ZNF175: variants seen among roughly 807,000 people sequenced by gnomAD.
ZNF175 encodes the protein zinc finger protein 175, also known as zinc finger protein OTK18.
ZNF175 carries 8 observed loss-of-function variants against 14.0 expected under a neutral mutation model. The observed-to-expected ratio is 0.57, with a 90% CI of 0.34 to 1.03. The LOEUF is 1.03. Among genes scored for constraint, ZNF175 ranks in the 50% least tolerant of loss-of-function variants. ZNF175 has a pLI of 0.03. For missense variants in ZNF175, 764 were observed against 849.5 expected (o/e 0.90, Z 1.25); for synonymous variants, 255 against 296.8 (o/e 0.86, Z 1.45).
intron 2 of ZNF175, among the ~76,000 whole-genome samples, chr19:51,580,020 A>T (rs1217010675): frequency 6.6e-6 from 1 of 152,044 alleles, no homozygotes; most frequent in African/African-American, 2.4e-5. Context: ...GTAATATTAA[A>T]ATATTACATA....
Position 51,589,781 on chromosome 19 carries a change from G to C in ZNF175, c.*1314G>C. ...TCTTTTGTGCTGCACTGGCAGAATTGAGTAGTTTTGGCGGAGATCAAATAG... is the reference window on the plus strand; with the variant it reads ...TCTTTTGTGCTGCACTGGCAGAATTCAGTAGTTTTGGCGGAGATCAAATAG... On this transcript the variant is annotated 3_prime_UTR_variant, in exon 5 of 5. Coordinates refer to ENST00000262259, the MANE Select transcript of ZNF175 (RefSeq NM_007147.4). The C allele has an allele frequency of 1.7e-6, 1 of 573,548 alleles. No homozygotes were observed. The highest frequency in any genetic ancestry group is 3.1e-6 in the Non-Finnish European group (1 of 324,176). 35.5% of individuals were successfully genotyped at this position (573,548 alleles called of 1,614,324 possible).
At chr19:51,574,376 T>C (rs1981701152) in intron 2 of ZNF175, among the ~76,000 whole-genome samples, 1 of 152,214 alleles carries the variant, frequency 6.6e-6, no homozygotes, top group African/African-American at 2.4e-5. Context: ...AAAGTCGTTC[T>C]TAAAAGAAAA....
rs527421713 is a variant in ZNF175, at chr19:51,577,695, A to G, written c.73-3696A>G. On this transcript the variant is annotated intron_variant, in intron 2 of 4. Coordinates refer to ENST00000262259, the MANE Select transcript of ZNF175 (RefSeq NM_007147.4). ...TTTTTTTTTTTTGAGATGGAGTCTC[A>G]CTCTGTCGCCCAGGCTGGAGTGCAG... Among the ~76,000 whole-genome samples the G allele has an allele frequency of 8.4e-3, 1,069 of 127,524 alleles. 10 individuals are homozygous for G. The highest frequency in any genetic ancestry group is 0.031 in the African/African-American group (993 of 32,496). 83.7% of individuals were successfully genotyped at this position (127,524 alleles called of 152,430 possible). A position where few individuals can be genotyped will look rare whatever the true frequency, so the allele number is the denominator to read the frequency against.
chr19:51,586,778 G>A lies in ZNF175; in HGVS notation c.447G>A (p.Glu149=), dbSNP rs1227023257. 1.2e-6 allele frequency: 2 copies of A among 1,614,174 alleles called. No homozygotes were observed. The highest frequency in any genetic ancestry group is 2.2e-5 in the South Asian group (2 of 91,084). Residue 149 remains glutamate, a synonymous_variant, in exon 5 of 5, where the codon GAG becomes GAA. Coordinates refer to ENST00000262259, the MANE Select transcript of ZNF175 (RefSeq NM_007147.4). ...ATGCTGACCGCACAAAGAAAGATGA[G>A]CAAAATCAAATTCAACCCATGAGTC... ...RLDADRTKKD[E]QNQIQPMSHS...
In ZNF175 at chr19:51,589,668, T is replaced by G. The variant is rs1332608449; in HGVS notation, c.*1201T>G. ...CCAGGAGTCAACAAACTGTGGCCAT[T>G]GGCCAAATATGGCCTCCCAACTGTT... On this transcript the variant is annotated 3_prime_UTR_variant, in exon 5 of 5. Transcript: ENST00000262259. The G allele has an allele frequency of 4.5e-6, 3 of 671,534 alleles. No individual in the cohort carries two copies. Among genetic ancestry groups the G allele is most frequent in the Non-Finnish European group, 5.4e-6 (2 of 372,558 alleles). The allele number at this position is 671,534 out of a possible 1,614,324, so 41.6% of individuals were successfully genotyped here. A position where few individuals can be genotyped will look rare whatever the true frequency, so the allele number is the denominator to read the frequency against.
chr19:51,588,689 C>T lies in ZNF175; in HGVS notation c.*222C>T, dbSNP rs1259231941. 4 of 495,288 alleles carry T rather than the reference C, an allele frequency of 8.1e-6. No individual in the cohort carries two copies. Among genetic ancestry groups the T allele is most frequent in the African/African-American group, 8.0e-5 (4 of 49,926 alleles). The allele number at this position is 495,288 out of a possible 1,614,324, so 30.7% of individuals were successfully genotyped here. ...GTAAGCAGAAATGTCCTTCTGAGTACTGGCCTCATTAAGGATTATAAATTT... is the reference window on the plus strand; with the variant it reads ...GTAAGCAGAAATGTCCTTCTGAGTATTGGCCTCATTAAGGATTATAAATTT... On this transcript the variant is annotated 3_prime_UTR_variant, in exon 5 of 5. Transcript: ENST00000262259.
intron 2 of ZNF175, among the ~76,000 whole-genome samples, chr19:51,578,811 A>G (rs937138101): frequency 1.3e-5 from 2 of 152,036 alleles, no homozygotes; most frequent in East Asian, 1.9e-4. Context: ...GGACAATGAG[A>G]TACTCCTTCA....
At chr19:51,578,333 G>A (rs1038064306) in intron 2 of ZNF175, among the ~76,000 whole-genome samples, 2 of 152,046 alleles carry the variant, frequency 1.3e-5, no homozygotes. Flanking sequence ...CCGGGAGGTG[G>A]AGGTTGCAGT....
chr19:51,586,185 A>G (rs1020227315), intron 4 of ZNF175, among the ~76,000 whole-genome samples: 2 of 152,148 alleles, frequency 1.3e-5, no homozygotes, highest in Non-Finnish European at 2.9e-5. Context: ...CTGCCCACAC[A>G]TGTTGCCCTG....
Position 51,588,031 on chromosome 19 carries a change from C to G in ZNF175, c.1700C>G (p.Ala567Gly). The part of the protein sequence containing the change: ...KPYKCSECGK[A>G]FTSKSQFKEH... ...TACAAATGCAGTGAATGTGGGAAAG[C>G]CTTCACTTCTAAGTCTCAATTCAAA... The change falls in exon 5 of 5, where the codon GCC becomes GGC. Residue 567 changes from alanine (A) to glycine (G), a missense_variant. Coordinates refer to ENST00000262259, the MANE Select transcript of ZNF175 (RefSeq NM_007147.4). 6.2e-7 allele frequency: 1 copy of G among 1,614,160 alleles called. No homozygotes were observed. The highest frequency in any genetic ancestry group is 8.5e-7 in the Non-Finnish European group (1 of 1,180,022).
intron 4 of ZNF175, among the ~76,000 whole-genome samples, chr19:51,582,230 G>A (rs933676203): frequency 6.6e-6 from 1 of 152,186 alleles, no homozygotes; most frequent in African/African-American, 2.4e-5. Context: ...CTAACACTTG[G>A]CATTAACAAA....
chr19:51,591,174 G>A lies in ZNF175; in HGVS notation c.*2707G>A, dbSNP rs1982333540. ...CCTCGTGCCACTTCCGGGGCCTGTT[G>A]GCTTTAACAACTTAGTTTCCTCCCT... is the stretch of plus-strand genomic sequence containing the variant. On this transcript the variant is annotated 3_prime_UTR_variant, in exon 5 of 5. Transcript: ENST00000262259. 1 of 152,464 alleles carries A rather than the reference G, an allele frequency of 6.6e-6. No homozygotes were observed. Among genetic ancestry groups the A allele is most frequent in the African/African-American group, 2.4e-5 (1 of 41,432 alleles). The allele number at this position is 152,464 out of a possible 1,614,324, so 9.4% of individuals were successfully genotyped here.
In ZNF175 at chr19:51,573,164, C is replaced by T; in HGVS notation, c.-166C>T. The T allele has an allele frequency of 1.5e-6, 1 of 688,380 alleles. No individual in the cohort carries two copies. Among genetic ancestry groups the T allele is most frequent in the South Asian group, 1.7e-5 (1 of 58,614 alleles). 42.6% of individuals were successfully genotyped at this position (688,380 alleles called of 1,614,324 possible). A position where few individuals can be genotyped will look rare whatever the true frequency, so the allele number is the denominator to read the frequency against. On this transcript the variant is annotated 5_prime_UTR_variant, in exon 2 of 5. Coordinates refer to ENST00000262259, the MANE Select transcript of ZNF175 (RefSeq NM_007147.4). ...GCTTTTCCAAGGCTTCTGCAGAACC[C>T]CCAGGTCAGGCCACATCATTGAGGC...
chr19:51,588,572 G>C lies in ZNF175; in HGVS notation c.*105G>C. 7.5e-7 allele frequency: 1 copy of C among 1,331,882 alleles called. No homozygotes were observed. Among genetic ancestry groups the C allele is most frequent in the Non-Finnish European group, 9.9e-7 (1 of 1,006,940 alleles). 82.5% of individuals were successfully genotyped at this position (1,331,882 alleles called of 1,614,324 possible). Reference sequence around the variant, plus strand: ...TCTAATTATATGTTATTGAATTCATGCTTCAGAAAAACTCTAGGGATGCAC... The same window carrying C: ...TCTAATTATATGTTATTGAATTCATCCTTCAGAAAAACTCTAGGGATGCAC... On this transcript the variant is annotated 3_prime_UTR_variant, in exon 5 of 5. Coordinates refer to ENST00000262259, the MANE Select transcript of ZNF175 (RefSeq NM_007147.4).
chr19:51,588,793 GATT>G lies in ZNF175; in HGVS notation c.*330_*332del, dbSNP rs1982262199. The G allele has an allele frequency of 2.5e-6, 1 of 404,286 alleles. No individual in the cohort carries two copies. The highest frequency in any genetic ancestry group is 4.4e-6 in the Non-Finnish European group (1 of 229,476). The allele number at this position is 404,286 out of a possible 1,614,324, so 25.0% of individuals were successfully genotyped here. On this transcript the variant is annotated 3_prime_UTR_variant, in exon 5 of 5. Transcript: ENST00000262259. ...AATGGTACAAGACAGGTTGTTACTC[GATT>G]ATTTATAGTAAAATATGTGGGAAAT...
chr19:51,587,006 C>T lies in ZNF175; in HGVS notation c.675C>T (p.Asp225=), dbSNP rs762477090. ...GCAATGACACAGAACAGCTTGATGA[C>T]GTTGTTGGGTCTGGTCAGCTATTCA... The part of the protein sequence containing the change: ...NESNDTEQLD[D]VVGSGQLFSH... The change falls in exon 5 of 5, where the codon GAC becomes GAT. Residue 225 remains aspartate, a synonymous_variant. Coordinates refer to ENST00000262259, the MANE Select transcript of ZNF175 (RefSeq NM_007147.4). 1.9e-5 allele frequency: 31 copies of T among 1,614,054 alleles called. No homozygotes were observed. Among genetic ancestry groups the T allele is most frequent in the South Asian group, 8.8e-5 (8 of 91,092 alleles).
At position 51,591,272 on chromosome 19, in the gene ZNF175, C is replaced by T. The variant is rs895443148; in HGVS notation, c.*2805C>T. On this transcript the variant is annotated 3_prime_UTR_variant, in exon 5 of 5. Transcript: ENST00000262259. The stretch of plus-strand genomic sequence containing the variant: ...TGTCTCATACTATTTTTTCTTTCCT[C>T]TCAGTACCAAGCGCTGGGACAAGCC... 1 of 152,296 alleles carries T rather than the reference C, an allele frequency of 6.6e-6. No individual in the cohort carries two copies. The highest frequency in any genetic ancestry group is 1.5e-5 in the Non-Finnish European group (1 of 68,150). 9.4% of individuals were successfully genotyped at this position (152,296 alleles called of 1,614,324 possible). A position where few individuals can be genotyped will look rare whatever the true frequency, so the allele number is the denominator to read the frequency against.
At chr19:51,578,437 T>G (rs1391927621) in intron 2 of ZNF175, among the ~76,000 whole-genome samples, 1 of 151,814 alleles carries the variant, frequency 6.6e-6, no homozygotes, top group African/African-American at 2.4e-5. Context: ...GGGAAAAGAT[T>G]CTTGTTACAC....
At position 51,587,923 on chromosome 19, in the gene ZNF175, A is replaced by T. The variant is rs141086677; in HGVS notation, c.1592A>T (p.His531Leu). The part of the protein sequence containing the change: ...HQKIHTGERH[H>L]VCSECGKAFN... ...AAAATTCATACTGGAGAAAGACACC[A>T]TGTATGCAGTGAATGCGGGAAAGCC... is the stretch of plus-strand genomic sequence containing the variant. Residue 531 changes from histidine to leucine, a missense_variant, in exon 5 of 5, where the codon CAT (histidine) becomes CTT (leucine). Physicochemically the swap from His to Leu is moderately conservative, Grantham distance 99. Coordinates refer to ENST00000262259, the MANE Select transcript of ZNF175 (RefSeq NM_007147.4). The T allele has an allele frequency of 2.9e-4, 470 of 1,614,104 alleles. 3 individuals carry two copies. Among genetic ancestry groups the T allele is most frequent in the Middle Eastern group, 8.2e-4 (5 of 6,084 alleles).
Sources: allele counts gnomAD v4.1 joint callset (sites outside exome capture counted in the v4.1 genomes callset), GRCh38; gene constraint gnomAD v4.1.1; transcripts MANE v1.5; gene names NCBI Gene and HGNC (gene_info 2026-07-23, HGNC 2026-07-21).